WDR35: variants seen among roughly 807,000 people sequenced by gnomAD.
WDR35 encodes WD repeat-containing protein 35.
In WDR35, 118 loss-of-function variants were observed where a neutral mutation model predicts 158.3. The observed-to-expected ratio is 0.75, with a 90% CI of 0.64 to 0.87. WDR35 has a LOEUF of 0.87. Ranked by LOEUF, WDR35 falls within the 40% of genes least tolerant of loss-of-function variation. WDR35 has a pLI of 0.00. For synonymous variants in WDR35, 448 were observed against 476.1 expected, an observed-to-expected ratio of 0.94 and a Z score of 0.77; for missense variants, 1,263 against 1,405.8, an observed-to-expected ratio of 0.90 and a Z score of 1.62.
At position 19,912,061 on chromosome 2, in the gene WDR35, G is replaced by C. The variant is rs962223666; in HGVS notation, c.*1497C>G. 2 of 152,194 alleles carry C rather than the reference G, an allele frequency of 1.3e-5. No homozygotes were observed. Among genetic ancestry groups the C allele is most frequent in the African/African-American group, 4.8e-5 (2 of 41,428 alleles). 9.4% of individuals were successfully genotyped at this position (152,194 alleles called of 1,614,324 possible). A position where few individuals can be genotyped will look rare whatever the true frequency, so the allele number is the denominator to read the frequency against. ...TGTAACCCGACTATTAGGGGAAAGC[G>C]TATGTGACAGAATGTGAGTCAGGAC... is the stretch of plus-strand genomic sequence containing the variant. On this transcript the variant is annotated 3_prime_UTR_variant, in exon 27 of 27. Transcript: ENST00000281405.
In WDR35 at chr2:19,933,317, G is replaced by T. The variant is rs1195512282; in HGVS notation, c.2658+84C>A. On this transcript the variant is annotated intron_variant, in intron 22 of 26. Coordinates refer to ENST00000281405, the MANE Select transcript of WDR35 (RefSeq NM_020779.4). The stretch of plus-strand genomic sequence containing the variant: ...CTTACATTGGCAATAATCTTTAAAA[G>T]ATCACTAGGGTGACTTTAACCTTGC... 3 of 1,110,764 alleles carry T rather than the reference G, an allele frequency of 2.7e-6. No individual in the cohort carries two copies. The African/African-American group carries it at 4.6e-5, about 17-fold the overall frequency. 68.8% of individuals were successfully genotyped at this position (1,110,764 alleles called of 1,614,324 possible).
chr2:19,966,927 A>C lies in WDR35; in HGVS notation c.1009-18T>G, dbSNP rs113816809. 1.2e-6 allele frequency: 2 copies of C among 1,610,864 alleles called. No homozygotes were observed. The highest frequency in any genetic ancestry group is 2.2e-5 in the South Asian group (2 of 90,924). ...TAACCCCACTAGGAAGAAAGGAAGG[A>C]GGAAAGGGAAGGAGATTGAAAGGGA... is the stretch of plus-strand genomic sequence containing the variant. On this transcript the variant is annotated intron_variant, in intron 9 of 26. Coordinates refer to ENST00000281405, the MANE Select transcript of WDR35 (RefSeq NM_020779.4).
rs2103453718 is a variant in WDR35 at position 19,973,632 on chromosome 2, T to C, written c.813A>G (p.Ala271=). 6.2e-7 allele frequency: 1 copy of C among 1,614,234 alleles called. No homozygotes were observed. The highest frequency in any genetic ancestry group is 8.5e-7 in the Non-Finnish European group (1 of 1,180,036). ...WNHMGSVLAV[A]GFQKAAMQDK... ...CCTGCATGGCTGCCTTCTGGAAGCC[T>C]GCCACAGCTAACACGCTGCCCATGT... The change falls in exon 8 of 27, where the codon GCA becomes GCG. Residue 271 remains alanine, a synonymous_variant. Coordinates refer to ENST00000281405, the MANE Select transcript of WDR35 (RefSeq NM_020779.4).
At chr2:19,973,427 G>T in intron 8 of WDR35, 136 bp downstream of exon 8, 1 of 945,934 alleles carries the variant, frequency 1.1e-6, no homozygotes, top group Non-Finnish European at 1.5e-6. Flanking sequence ...ATACAACAAA[G>T]ATTTATACTA....
chr2:19,982,600 TC>T, intron 2 of WDR35, 66 bp from the exon 3 acceptor site: 2 of 1,504,472 alleles, frequency 1.3e-6, no homozygotes, highest in Non-Finnish European at 1.8e-6. Flanking sequence ...AGATTTTGAC[TC>T]TTTTTGTATT....
intron 17 of WDR35, 103 bp from the exon 18 acceptor site, chr2:19,938,504 C>T (rs931556461): frequency 6.2e-5 from 88 of 1,413,828 alleles, no homozygotes; most frequent in South Asian, 2.2e-4. Flanking sequence ...AGAAAAAAAA[C>T]GGCATCATAT....
At chr2:19,944,210 G>C (rs736952) in intron 16 of WDR35, among the ~76,000 whole-genome samples, 12,611 of 152,100 alleles carry the variant, frequency 0.083, 742 homozygotes, top group East Asian at 0.23. Context: ...AATCCAGACA[G>C]TGGGAAGGTT....
intron 5 of WDR35, among the ~76,000 whole-genome samples, chr2:19,978,486 CAT>C (rs1672279569): frequency 6.6e-6 from 1 of 152,044 alleles, no homozygotes; most frequent in African/African-American, 2.4e-5. Context: ...ATGAGGCAGA[CAT>C]GTTTAAAATA....
At position 19,914,324 on chromosome 2, in the gene WDR35, T is replaced by A. The variant is rs775332727; in HGVS notation, c.3122-47A>T. On this transcript the variant is annotated intron_variant, in intron 25 of 26. Transcript: ENST00000281405. The stretch of plus-strand genomic sequence containing the variant: ...GGGTTTTTTAAAATAATTATTATGA[T>A]ATCATGAACATGCAAAAGAAGAATC... 4 of 1,608,904 alleles carry A rather than the reference T, an allele frequency of 2.5e-6. No homozygotes were observed. In the African/African-American group the frequency reaches 4.0e-5, roughly 16 times the overall value.
At chr2:19,980,586 G>C in intron 4 of WDR35, 105 bp downstream of exon 4, 1 of 893,290 alleles carries the variant, frequency 1.1e-6, no homozygotes, top group Admixed American at 1.9e-5. Flanking sequence ...AACTCCTGTT[G>C]TTAGTAAAAG....
chr2:19,957,552 T>C (rs1177166603), intron 11 of WDR35, among the ~76,000 whole-genome samples: 3 of 145,126 alleles, frequency 2.1e-5, no homozygotes, highest in Admixed American at 6.8e-5. Context: ...AGAAAGGTTA[T>C]TGGATTTTTT....
intron 5 of WDR35, among the ~76,000 whole-genome samples, chr2:19,978,038 C>T (rs1214270774): frequency 2.0e-5 from 3 of 152,126 alleles, no homozygotes; most frequent in Admixed American, 6.6e-5. Flanking sequence ...CCCATCTTAG[C>T]GCTTATCACA....
At chr2:19,940,552 A>T (rs371670603) in intron 17 of WDR35, among the ~76,000 whole-genome samples, 40 of 152,324 alleles carry the variant, frequency 2.6e-4, no homozygotes, top group African/African-American at 9.1e-4. Flanking sequence ...TCTGGAGGTT[A>T]CATAATCCTA....
chr2:19,928,192 C>T (rs1670415313), intron 25 of WDR35, among the ~76,000 whole-genome samples: 1 of 152,230 alleles, frequency 6.6e-6, no homozygotes, highest in Non-Finnish European at 1.5e-5. Flanking sequence ...GTTCTTAAAC[C>T]ACAACCAGTA....
At chr2:19,952,127 C>T (rs1243897509) in intron 12 of WDR35, among the ~76,000 whole-genome samples, 2 of 152,160 alleles carry the variant, frequency 1.3e-5, no homozygotes, top group Non-Finnish European at 2.9e-5. Context: ...GTAATGTACA[C>T]TGTACACATT....
At chr2:19,987,654 T>G (rs1004075375) in intron 2 of WDR35, among the ~76,000 whole-genome samples, 1 of 151,730 alleles carries the variant, frequency 6.6e-6, no homozygotes, top group South Asian at 2.1e-4. Flanking sequence ...AAACCCTGTC[T>G]CTACTAAAAA....
chr2:19,934,024 A>AACCACCACCACC lies in WDR35; in HGVS notation c.2548-525_2548-514dup, dbSNP rs57759587. ...TTGGAAAGTGGTGGCAGCGAGGAAGAACCACCACCACCACCACCACCACCA... is the reference window on the plus strand; with the variant it reads ...TTGGAAAGTGGTGGCAGCGAGGAAGAACCACCACCACCACCACCACCACCACCACCACCACCA... On this transcript the variant is annotated intron_variant, in intron 21 of 26. Transcript: ENST00000281405. The surrounding 1 kb of genome is among the most constrained non-coding windows in gnomAD (Gnocchi z 4.6). Among the ~76,000 whole-genome samples the AACCACCACCACC allele has an allele frequency of 0.025, 2,629 of 105,048 alleles. 114 individuals are homozygous for AACCACCACCACC. Among genetic ancestry groups the AACCACCACCACC allele is most frequent in the African/African-American group, 0.065 (1,569 of 24,162 alleles). The allele number at this position is 105,048 out of a possible 152,430, so 68.9% of individuals were successfully genotyped here.
chr2:19,914,942 G>C (rs562771885), intron 25 of WDR35, among the ~76,000 whole-genome samples: 1 of 152,074 alleles, frequency 6.6e-6, no homozygotes, highest in Admixed American at 6.5e-5. Context: ...TGTTGGGGGT[G>C]GGGGGCTAGG....
intron 19 of WDR35, among the ~76,000 whole-genome samples, chr2:19,936,784 AC>A (rs1232427134): frequency 6.6e-6 from 1 of 152,122 alleles, no homozygotes; most frequent in African/African-American, 2.4e-5. Context: ...CAGACACCAA[AC>A]TTGTTGACGC....
Sources: allele counts gnomAD v4.1 joint callset (sites outside exome capture counted in the v4.1 genomes callset), GRCh38; gene constraint gnomAD v4.1.1; non-coding constraint Gnocchi (gnomAD v3.1); transcripts MANE v1.5; gene names NCBI Gene and HGNC (gene_info 2026-07-23, HGNC 2026-07-21).